The following DLG2 variants were observed in gnomAD, a reference collection of about 807,000 sequenced individuals.
DLG2 encodes disks large homolog 2.
A neutral mutation model predicts 132.5 loss-of-function variants in DLG2; 45 were observed. That is an observed-to-expected ratio of 0.34 (90% CI 0.27 to 0.44). The LOEUF is 0.44. Among genes scored for constraint, DLG2 ranks in the 20% least tolerant of loss-of-function variants. The probability of loss-of-function intolerance (pLI) is 1.00; values close to 1 mark genes in which losing one functional copy is unlikely to be tolerated. For missense variants in DLG2, 1,045 were observed against 1,196.9 expected (o/e 0.87, Z 1.87); for synonymous variants, 424 against 419.6 (o/e 1.01, Z -0.13).
At chr11:84,749,358 A>G (rs866575839) in intron 6 of DLG2, among the ~76,000 whole-genome samples, 1 of 151,030 alleles carries the variant, frequency 6.6e-6, no homozygotes, top group African/African-American at 2.4e-5. Flanking sequence ...CTGGGATATA[A>G]ATGTTATCAT....
chr11:85,045,283 T>C (rs2062231649), intron 6 of DLG2, among the ~76,000 whole-genome samples: 1 of 152,030 alleles, frequency 6.6e-6, no homozygotes. Context: ...TAATAAGCTA[T>C]ATGTTCCAAC....
intron 7 of DLG2, among the ~76,000 whole-genome samples, chr11:84,336,209 T>A (rs190338257): frequency 2.0e-5 from 3 of 152,340 alleles, no homozygotes; most frequent in African/African-American, 7.2e-5. Context: ...TTAGGAGATG[T>A]TAAAAAGTAA....
chr11:83,623,642 C>T (rs532300293), intron 19 of DLG2, among the ~76,000 whole-genome samples: 10 of 152,310 alleles, frequency 6.6e-5, no homozygotes, highest in African/African-American at 2.4e-4. Flanking sequence ...TCTCTTAATA[C>T]CACTTTCTAT....
At chr11:84,271,779 A>G (rs1304272631) in intron 7 of DLG2, among the ~76,000 whole-genome samples, 1 of 152,100 alleles carries the variant, frequency 6.6e-6, no homozygotes, top group Non-Finnish European at 1.5e-5. Context: ...AAAAGTAACA[A>G]TATAATTAGA....
chr11:84,353,513 C>T (rs1003350456), intron 7 of DLG2, among the ~76,000 whole-genome samples: 1 of 152,122 alleles, frequency 6.6e-6, no homozygotes, highest in Non-Finnish European at 1.5e-5. Context: ...TTCACCCACA[C>T]CTCCACGTCT....
intron 8 of DLG2, among the ~76,000 whole-genome samples, chr11:84,230,589 T>C (rs1440933645): frequency 6.6e-6 from 1 of 152,202 alleles, no homozygotes; most frequent in Non-Finnish European, 1.5e-5. Flanking sequence ...CACAGTATGT[T>C]CAAGGAGCTT....
intron 11 of DLG2, among the ~76,000 whole-genome samples, chr11:84,017,926 TC>T (rs1251097542): frequency 6.6e-6 from 1 of 152,024 alleles, no homozygotes; most frequent in Non-Finnish European, 1.5e-5. Context: ...CAGGAATAAT[TC>T]TTATCTGGTT....
chr11:85,318,901 A>T (rs2080867578), intron 3 of DLG2, among the ~76,000 whole-genome samples: 1 of 151,858 alleles, frequency 6.6e-6, no homozygotes, highest in Non-Finnish European at 1.5e-5. Flanking sequence ...ACATTATACA[A>T]TGACTACATA....
At chr11:85,023,951 G>A (rs527389) in intron 6 of DLG2, among the ~76,000 whole-genome samples, 108,138 of 151,978 alleles carry the variant, frequency 0.71, 39,455 homozygotes, top group East Asian at 0.94. Flanking sequence ...CATTTTTGTA[G>A]CTTCGCCACT....
intron 7 of DLG2, among the ~76,000 whole-genome samples, chr11:84,445,602 A>G (rs1478684390): frequency 6.6e-6 from 1 of 152,008 alleles, no homozygotes; most frequent in African/African-American, 2.4e-5. Flanking sequence ...CTGTTTCTTT[A>G]ATCTGATTAT....
At chr11:84,062,747 T>TTTA (rs1456763695) in intron 10 of DLG2, among the ~76,000 whole-genome samples, 1 of 151,534 alleles carries the variant, frequency 6.6e-6, no homozygotes, top group South Asian at 2.1e-4. Flanking sequence ...TTTTTTTTTT[T>TTTA]AATGGTGGTG....
intron 18 of DLG2, among the ~76,000 whole-genome samples, chr11:83,781,859 C>T (rs2094842746): frequency 6.6e-6 from 1 of 152,168 alleles, no homozygotes; most frequent in South Asian, 2.1e-4. Flanking sequence ...AAGAAGGCAG[C>T]AAATACAGAT....
At chr11:84,535,289 G>A (rs1285963821) in intron 6 of DLG2, among the ~76,000 whole-genome samples, 3 of 152,160 alleles carry the variant, frequency 2.0e-5, no homozygotes, top group Non-Finnish European at 4.4e-5. Context: ...TACTTCACCC[G>A]CTAGGAGAAG....
intron 3 of DLG2, among the ~76,000 whole-genome samples, chr11:85,370,958 C>T (rs1294136013): frequency 6.6e-6 from 1 of 152,140 alleles, no homozygotes; most frequent in Non-Finnish European, 1.5e-5. Context: ...TCACAACTAA[C>T]ATTGTTATGT....
At chr11:85,330,968 G>A (rs958551229) in intron 3 of DLG2, among the ~76,000 whole-genome samples, 1 of 152,042 alleles carries the variant, frequency 6.6e-6, no homozygotes, top group Admixed American at 6.5e-5. Flanking sequence ...CACTTGAAAT[G>A]AATCACGGTA....
At chr11:84,075,239 T>C (rs1013099286) in intron 10 of DLG2, among the ~76,000 whole-genome samples, 1 of 152,222 alleles carries the variant, frequency 6.6e-6, no homozygotes, top group Non-Finnish European at 1.5e-5. Flanking sequence ...ATTTTCTGCA[T>C]AGCATTTATT....
chr11:84,475,349 G>A (rs1013202823), intron 7 of DLG2, among the ~76,000 whole-genome samples: 2 of 151,940 alleles, frequency 1.3e-5, no homozygotes, highest in African/African-American at 4.8e-5. Flanking sequence ...CATTTTTTGC[G>A]GTCAAATAGA....
intron 6 of DLG2, among the ~76,000 whole-genome samples, chr11:84,881,530 G>A (rs1365246532): frequency 1.3e-5 from 2 of 152,096 alleles, no homozygotes; most frequent in African/African-American, 2.4e-5. Flanking sequence ...ATTTCTTAAC[G>A]GGGGTGCTAC....
intron 4 of DLG2, among the ~76,000 whole-genome samples, chr11:85,264,431 T>G (rs1156863622): frequency 6.6e-6 from 1 of 152,168 alleles, no homozygotes; most frequent in Non-Finnish European, 1.5e-5. Flanking sequence ...TTCCTTCTTC[T>G]CACCATCAAA....
Sources: allele counts gnomAD v4.1 joint callset (sites outside exome capture counted in the v4.1 genomes callset), GRCh38; gene constraint gnomAD v4.1.1; transcripts MANE v1.5; gene names NCBI Gene and HGNC (gene_info 2026-07-23, HGNC 2026-07-21).